The following RHBDL1 variants were observed in gnomAD, a reference collection of about 807,000 sequenced individuals.
RHBDL1 encodes the protein rhomboid-related protein 1.
In RHBDL1, 21 loss-of-function variants were observed where a neutral mutation model predicts 34.0. The observed-to-expected ratio is 0.62, with a 90% CI of 0.44 to 0.89. The LOEUF is 0.89. Ranked by LOEUF, RHBDL1 falls within the 40% of genes least tolerant of loss-of-function variation. The pLI is 0.00. For synonymous variants in RHBDL1, 268 were observed against 234.8 expected, an observed-to-expected ratio of 1.14 and a Z score of -1.29; for missense variants, 450 against 530.6, an observed-to-expected ratio of 0.85 and a Z score of 1.49.
Position 675,739 on chromosome 16 carries a change from C to G in RHBDL1, c.-52C>G. ...CGGAGCGGAGTCGTCCGCAGAGCAG[C>G]CCCTCCCGGCCGCGGCCGCCGACCC... On this transcript the variant is annotated 5_prime_UTR_variant, in exon 1 of 8. Coordinates refer to ENST00000352681, the MANE Select transcript of RHBDL1 (RefSeq NM_001278720.2). 3 of 1,225,214 alleles carry G rather than the reference C, an allele frequency of 2.4e-6. No homozygotes were observed. The highest frequency in any genetic ancestry group is 3.3e-6 in the Non-Finnish European group (3 of 905,354). The allele number at this position is 1,225,214 out of a possible 1,614,324, so 75.9% of individuals were successfully genotyped here. A position where few individuals can be genotyped will look rare whatever the true frequency, so the allele number is the denominator to read the frequency against.
rs752858138 is a variant in RHBDL1, at chr16:676,160, C to T, written c.40-176C>T. The T allele has an allele frequency of 1.4e-6, 2 of 1,481,000 alleles. No individual in the cohort carries two copies. Among genetic ancestry groups the T allele is most frequent in the Non-Finnish European group, 1.8e-6 (2 of 1,112,596 alleles). 91.7% of individuals were successfully genotyped at this position (1,481,000 alleles called of 1,614,324 possible). A position where few individuals can be genotyped will look rare whatever the true frequency, so the allele number is the denominator to read the frequency against. ...GAGCTGGAGGACTGGGACCCAGGCACCAGTGCCCTGCCAGCTCCTGGGATC... is the reference window on the plus strand; with the variant it reads ...GAGCTGGAGGACTGGGACCCAGGCATCAGTGCCCTGCCAGCTCCTGGGATC... On this transcript the variant is annotated intron_variant, in intron 1 of 7. Transcript: ENST00000352681. The surrounding 1 kb of genome is among the most constrained non-coding windows in gnomAD (Gnocchi z 6.9).
rs200873098 is a variant in RHBDL1, at chr16:676,120, G to C, written c.40-216G>C. 98 of 1,455,342 alleles carry C rather than the reference G, an allele frequency of 6.7e-5. No individual in the cohort carries two copies. The Middle Eastern group carries it at 7.6e-4, about 11-fold the overall frequency. 90.2% of individuals were successfully genotyped at this position (1,455,342 alleles called of 1,614,324 possible). On this transcript the variant is annotated intron_variant, in intron 1 of 7. Coordinates refer to ENST00000352681, the MANE Select transcript of RHBDL1 (RefSeq NM_001278720.2). The surrounding 1 kb of genome is among the most constrained non-coding windows in gnomAD (Gnocchi z 6.9). ...TTCCAGGATGGGTAGGGTGGAAGACGGGGGAACAACTGAGGAGCTGGAGGA... is the reference window on the plus strand; with the variant it reads ...TTCCAGGATGGGTAGGGTGGAAGACCGGGGAACAACTGAGGAGCTGGAGGA...
chr16:678,014 TACG>T lies in RHBDL1; in HGVS notation c.1087_1089del (p.Asp363del). ...CGCCGTCTTCTGGAACGTCTTCGCC[TACG>T]ACCTGCTGGGCGCCCACATCCCCCC... On this transcript the variant is annotated inframe_deletion, in exon 8 of 8. Coordinates refer to ENST00000352681, the MANE Select transcript of RHBDL1 (RefSeq NM_001278720.2). 3 of 1,589,870 alleles carry T rather than the reference TACG, an allele frequency of 1.9e-6. No individual in the cohort carries two copies. The highest frequency in any genetic ancestry group is 2.6e-6 in the Non-Finnish European group (3 of 1,174,050).
At chr16:677,146 C>T (rs775719494) in intron 4 of RHBDL1, 27 bp downstream of exon 4, 1 of 1,584,806 alleles carries the variant, frequency 6.3e-7, no homozygotes, top group South Asian at 1.1e-5. Context: ...CCCGGTGAGC[C>T]CCGCCCCAAC....
chr16:676,838 TC>T lies in RHBDL1; in HGVS notation c.369del (p.Tyr124ThrfsTer43). 6.2e-7 allele frequency: 1 copy of T among 1,611,182 alleles called. No individual in the cohort carries two copies. The highest frequency in any genetic ancestry group is 2.2e-5 in the East Asian group (1 of 44,796). On this transcript the variant is annotated frameshift_variant, in exon 3 of 8. Coordinates refer to ENST00000352681, the MANE Select transcript of RHBDL1 (RefSeq NM_001278720.2). LOFTEE classifies it high-confidence loss of function. The surrounding 1 kb of genome is among the most constrained non-coding windows in gnomAD (Gnocchi z 6.9). Reference protein sequence around the residue: ...LPCEVDRRWYFYRHRSCPPPV... With the variant: ...LPCEVDRRWYXYRHRSCPPPV... ...TGTGAGGTGGACCGCCGCTGGTACT[TC>T]TACCGTCACCGCAGCTGCCCACCCC...
rs750643888 is a variant in RHBDL1 at position 677,804 on chromosome 16, G to C, written c.874G>C (p.Val292Leu). ...AGTGAGCTCCGAGGTGGGCCGGGCCGTGTGGCTGCGCTTCTCCCCGCCGCT... is the reference window on the plus strand; with the variant it reads ...AGTGAGCTCCGAGGTGGGCCGGGCCCTGTGGCTGCGCTTCTCCCCGCCGCT... Reference protein sequence around the residue: ...VCMSSEVGRAVWLRFSPPLPA... With the variant: ...VCMSSEVGRALWLRFSPPLPA... The change falls in exon 8 of 8, where the codon GTG becomes CTG. Residue 292 changes from valine (V) to leucine (L), a missense_variant. Coordinates refer to ENST00000352681, the MANE Select transcript of RHBDL1 (RefSeq NM_001278720.2). The C allele has an allele frequency of 3.2e-6, 5 of 1,557,534 alleles. No individual in the cohort carries two copies. The highest frequency in any genetic ancestry group is 4.3e-6 in the Non-Finnish European group (5 of 1,156,574).
chr16:677,294 C>T lies in RHBDL1; in HGVS notation c.594C>T (p.Phe198=), dbSNP rs2039564220. Residue 198 remains phenylalanine, a synonymous_variant, in exon 5 of 8, where the codon TTC becomes TTT. Coordinates refer to ENST00000352681, the MANE Select transcript of RHBDL1 (RefSeq NM_001278720.2). ...TGGCCAGGCTGGAGCAGCTGGGGTT[C>T]AACGCCCTCCTGCAGCTGATGATCG... ...FMHVGLEQLG[F]NALLQLMIGV... 6.4e-7 allele frequency: 1 copy of T among 1,567,824 alleles called. No individual in the cohort carries two copies. The highest frequency in any genetic ancestry group is 1.4e-5 in the African/African-American group (1 of 73,754).
rs374513986 is a variant in RHBDL1 at position 678,067 on chromosome 16, C to T, written c.*15C>T. On this transcript the variant is annotated 3_prime_UTR_variant, in exon 8 of 8. Transcript: ENST00000352681. ...CACCGCCCTGACCGGCTACCTGAGG[C>T]TGCACAGGCCAGGGCTCGGGCATGT... 1.5e-5 allele frequency: 23 copies of T among 1,543,410 alleles called. No individual in the cohort carries two copies. Among genetic ancestry groups the T allele is most frequent in the Non-Finnish European group, 1.9e-5 (22 of 1,150,004 alleles).
In RHBDL1 at chr16:676,864, C is replaced by A. The variant is rs376618315; in HGVS notation, c.394C>A (p.Pro132Thr). ...CTACCGTCACCGCAGCTGCCCACCC[C>A]CCGTGTTCATGGCCTCGGTCACTCT... ...YFYRHRSCPPPVFMASVTLAQ... is the reference protein window; with the variant it reads ...YFYRHRSCPPTVFMASVTLAQ... The change falls in exon 3 of 8, where the codon CCC becomes ACC. Residue 132 changes from proline to threonine, a missense_variant. By Grantham distance (38) the Pro-to-Thr change is conservative (BLOSUM62 -1). Coordinates refer to ENST00000352681, the MANE Select transcript of RHBDL1 (RefSeq NM_001278720.2). This position sits in a 1 kb window ranked among gnomAD's most constrained non-coding sequence, Gnocchi z 6.9. The A allele has an allele frequency of 6.2e-7, 1 of 1,612,278 alleles. No homozygotes were observed. The highest frequency in any genetic ancestry group is 8.5e-7 in the Non-Finnish European group (1 of 1,179,778).
rs1456480362 is a variant in RHBDL1 at position 676,321 on chromosome 16, G to A, written c.40-15G>A. On this transcript the variant is annotated splice_polypyrimidine_tract_variant and intron_variant, in intron 1 of 7. Coordinates refer to ENST00000352681, the MANE Select transcript of RHBDL1 (RefSeq NM_001278720.2). The surrounding 1 kb of genome is among the most constrained non-coding windows in gnomAD (Gnocchi z 6.9). The stretch of plus-strand genomic sequence containing the variant: ...GGCCCGCACTCAGGCCTTGGCTGGC[G>A]GCTCCTCACTGCAGCAGCTGGACCC... 3.7e-6 allele frequency: 6 copies of A among 1,607,004 alleles called. No individual in the cohort carries two copies. Among genetic ancestry groups the A allele is most frequent in the South Asian group, 3.3e-5 (3 of 90,108 alleles).
In RHBDL1 at chr16:676,016, A is replaced by AGAAGGGAGAGTCGGGG; in HGVS notation, c.39+189_39+204dup. On this transcript the variant is annotated intron_variant, in intron 1 of 7. Coordinates refer to ENST00000352681, the MANE Select transcript of RHBDL1 (RefSeq NM_001278720.2). This position sits in a 1 kb window ranked among gnomAD's most constrained non-coding sequence, Gnocchi z 6.9. ...TGACTGGACCAGAGCTCCTGGCTGG[A>AGAAGGGAGAGTCGGGG]GAAGGGAGAGTCGGGGGGAGGGAGG... 1 of 1,265,956 alleles carries AGAAGGGAGAGTCGGGG rather than the reference A, an allele frequency of 7.9e-7. No homozygotes were observed. Among genetic ancestry groups the AGAAGGGAGAGTCGGGG allele is most frequent in the Non-Finnish European group, 1.0e-6 (1 of 984,260 alleles). The allele number at this position is 1,265,956 out of a possible 1,614,324, so 78.4% of individuals were successfully genotyped here.
intron 5 of RHBDL1, 29 bp downstream of exon 5, chr16:677,417 G>T (rs377248799): frequency 1.3e-6 from 2 of 1,573,492 alleles, no homozygotes; most frequent in Non-Finnish European, 1.7e-6. Context: ...CCCGCCCCCT[G>T]CCCTGGCCGG....
At position 676,238 on chromosome 16, in the gene RHBDL1, G is replaced by GGGAGCC. The variant is rs773133284; in HGVS notation, c.40-97_40-92dup. The GGGAGCC allele has an allele frequency of 3.9e-6, 6 of 1,554,018 alleles. No homozygotes were observed. Among genetic ancestry groups the GGGAGCC allele is most frequent in the South Asian group, 1.2e-5 (1 of 84,992 alleles). On this transcript the variant is annotated intron_variant, in intron 1 of 7. Transcript: ENST00000352681. This position sits in a 1 kb window ranked among gnomAD's most constrained non-coding sequence, Gnocchi z 6.9. ...ACGGGGCCCCTGTCCCAAAAGTGCT[G>GGGAGCC]GGAGCCTGAGCCTGATGCTCCCAGC...
In RHBDL1 at chr16:676,062, G is replaced by A; in HGVS notation, c.39+233G>A. ...GGAGGGAGGGAGGGAGGGAGGGCGG[G>A]CAGCTGGCTGGTCTTGGACCTTGGC... On this transcript the variant is annotated intron_variant, in intron 1 of 7. Transcript: ENST00000352681. This position sits in a 1 kb window ranked among gnomAD's most constrained non-coding sequence, Gnocchi z 6.9. The A allele has an allele frequency of 3.4e-6, 2 of 589,624 alleles. No homozygotes were observed. The highest frequency in any genetic ancestry group is 5.4e-6 in the Non-Finnish European group (2 of 369,324). The allele number at this position is 589,624 out of a possible 1,614,324, so 36.5% of individuals were successfully genotyped here.
In RHBDL1 at chr16:676,218, GC is replaced by G; in HGVS notation, c.40-114del. 6.5e-7 allele frequency: 1 copy of G among 1,541,854 alleles called. No individual in the cohort carries two copies. Among genetic ancestry groups the G allele is most frequent in the Non-Finnish European group, 8.8e-7 (1 of 1,142,070 alleles). On this transcript the variant is annotated intron_variant, in intron 1 of 7. Transcript: ENST00000352681. The surrounding 1 kb of genome is among the most constrained non-coding windows in gnomAD (Gnocchi z 6.9). ...GTCCCAGGGAACAGACAGGCACGGG[GC>G]CCCTGTCCCAAAAGTGCTGGGAGCC...
chr16:675,885 C>T (rs2039525086), intron 1 of RHBDL1, 56 bp downstream of exon 1: 8 of 1,465,352 alleles, frequency 5.5e-6, no homozygotes, highest in African/African-American at 1.4e-5. Flanking sequence ...GCCCTCCTGC[C>T]GCTGAGCTGA....
chr16:676,235 G>A lies in RHBDL1; in HGVS notation c.40-101G>A, dbSNP rs905238238. 5.3e-5 allele frequency: 82 copies of A among 1,552,812 alleles called. No individual in the cohort carries two copies. The highest frequency in any genetic ancestry group is 1.8e-4 in the Admixed American group (9 of 51,420). On this transcript the variant is annotated intron_variant, in intron 1 of 7. Transcript: ENST00000352681. This position sits in a 1 kb window ranked among gnomAD's most constrained non-coding sequence, Gnocchi z 6.9. Reference sequence around the variant, plus strand: ...GGCACGGGGCCCCTGTCCCAAAAGTGCTGGGAGCCTGAGCCTGATGCTCCC... The same window carrying A: ...GGCACGGGGCCCCTGTCCCAAAAGTACTGGGAGCCTGAGCCTGATGCTCCC...
intron 4 of RHBDL1, 59 bp downstream of exon 4, chr16:677,178 T>G: frequency 6.3e-7 from 1 of 1,581,528 alleles, no homozygotes; most frequent in Non-Finnish European, 8.6e-7. Flanking sequence ...TCAGAAAGGC[T>G]TAGCCGCAAG....
In RHBDL1 at chr16:676,636, G is replaced by A. The variant is rs1370262474; in HGVS notation, c.202-36G>A. 3 of 1,600,730 alleles carry A rather than the reference G, an allele frequency of 1.9e-6. No homozygotes were observed. The highest frequency in any genetic ancestry group is 2.2e-5 in the East Asian group (1 of 44,698). On this transcript the variant is annotated intron_variant, in intron 2 of 7. Transcript: ENST00000352681. This position sits in a 1 kb window ranked among gnomAD's most constrained non-coding sequence, Gnocchi z 6.9. ...GCCTCACAGGCAGGGGTGCCATGGG[G>A]AGGTCCGTGGCCCACACTCAGGCCC... is the stretch of plus-strand genomic sequence containing the variant.
Sources: allele counts gnomAD v4.1 joint callset, GRCh38; gene constraint gnomAD v4.1.1; non-coding constraint Gnocchi (gnomAD v3.1); transcripts MANE v1.5; gene names NCBI Gene and HGNC (gene_info 2026-07-23, HGNC 2026-07-21).